Variants in GAS7 observed in about 807,000 individuals in gnomAD.
GAS7 encodes the protein growth arrest-specific protein 7.
In GAS7, 28 loss-of-function variants were observed where a neutral mutation model predicts 71.1. That is an observed-to-expected ratio of 0.39 (90% CI 0.29 to 0.54). The LOEUF is 0.54. Ranked by LOEUF, GAS7 falls within the 20% of genes least tolerant of loss-of-function variation. The probability of loss-of-function intolerance (pLI) is 0.62; values close to 1 mark genes in which losing one functional copy is unlikely to be tolerated. For synonymous variants in GAS7, 258 were observed against 245.8 expected (o/e 1.05, Z -0.46); for missense variants, 436 against 627.8 (o/e 0.69, Z 3.27).
chr17:10,108,911 C>CA (rs1217229177), intron 1 of GAS7, among the ~76,000 whole-genome samples: 1 of 152,054 alleles, frequency 6.6e-6, no homozygotes, highest in East Asian at 1.9e-4. Context: ...TTGGTCTAGG[C>CA]AAAGATTTTA....
At chr17:10,098,442 G>T (rs2073666398) in intron 1 of GAS7, among the ~76,000 whole-genome samples, 2 of 152,238 alleles carry the variant, frequency 1.3e-5, no homozygotes, top group South Asian at 4.1e-4. Flanking sequence ...ACCTAACGAG[G>T]ATGCAGGGTG....
chr17:10,025,638 A>G (rs1302194988), intron 1 of GAS7, among the ~76,000 whole-genome samples: 1 of 151,764 alleles, frequency 6.6e-6, no homozygotes, highest in Non-Finnish European at 1.5e-5. Context: ...GAGATCAAAA[A>G]CAAATCCCCC....
At chr17:9,958,471 G>A (rs1182817527) in intron 5 of GAS7, among the ~76,000 whole-genome samples, 1 of 152,206 alleles carries the variant, frequency 6.6e-6, no homozygotes, top group African/African-American at 2.4e-5. Flanking sequence ...GTGTGAGTTG[G>A]AGCCTAAGAG....
intron 1 of GAS7, among the ~76,000 whole-genome samples, chr17:10,039,545 T>A (rs556855972): frequency 6.6e-6 from 1 of 152,010 alleles, no homozygotes; most frequent in South Asian, 2.1e-4. Flanking sequence ...TGGCTAGGCA[T>A]GGTGGCGGGC....
In GAS7 at chr17:9,974,384, C is replaced by T. The variant is rs2070100462; in HGVS notation, c.386-4622G>A. ...CCCTGTCCTGGGGGCTCCCGGCTCA[C>T]CCAGGGTCAGCCACAAAACAAATGA... On this transcript the variant is annotated intron_variant, in intron 3 of 13. Transcript: ENST00000432992. This position sits in a 1 kb window ranked among gnomAD's most constrained non-coding sequence, Gnocchi z 4.0. Among the ~76,000 whole-genome samples the T allele has an allele frequency of 6.6e-6, 1 of 152,120 alleles. No individual in the cohort carries two copies. The highest frequency in any genetic ancestry group is 1.5e-5 in the Non-Finnish European group (1 of 68,024).
At chr17:10,185,422 G>A (rs560073717) in intron 1 of GAS7, among the ~76,000 whole-genome samples, 3 of 152,218 alleles carry the variant, frequency 2.0e-5, no homozygotes, top group African/African-American at 7.2e-5. Context: ...GTGTGTACAA[G>A]GTGCCAAGCT....
chr17:10,137,877 G>A (rs370254257), intron 1 of GAS7, among the ~76,000 whole-genome samples: 1 of 151,830 alleles, frequency 6.6e-6, no homozygotes, highest in East Asian at 1.9e-4. Context: ...GTTGGAAGAA[G>A]GGAGGGAGGG....
At chr17:10,181,833 GCCAAAACCCA>G (rs1286845182) in intron 1 of GAS7, among the ~76,000 whole-genome samples, 12 of 152,210 alleles carry the variant, frequency 7.9e-5, no homozygotes, top group African/African-American at 2.6e-4. Flanking sequence ...AAAGGAGCCG[GCCAAAACCCA>G]CCAAAACCAA....
intron 1 of GAS7, among the ~76,000 whole-genome samples, chr17:10,133,101 AATTAG>A (rs1200394018): frequency 7.0e-6 from 1 of 142,668 alleles, no homozygotes; most frequent in East Asian, 2.0e-4. Context: ...CAAATTTTAT[AATTAG>A]ATTATATATT....
intron 4 of GAS7, among the ~76,000 whole-genome samples, chr17:9,968,086 C>A (rs113383223): frequency 6.6e-6 from 1 of 152,324 alleles, no homozygotes; most frequent in African/African-American, 2.4e-5. Context: ...GTCATCGTTG[C>A]TGAACCACAT....
rs1316826794 is a variant in GAS7 at position 9,969,781 on chromosome 17, G to A, written c.386-19C>T. 3.9e-6 allele frequency: 6 copies of A among 1,527,842 alleles called. No homozygotes were observed. Among genetic ancestry groups the A allele is most frequent in the African/African-American group, 2.7e-5 (2 of 73,262 alleles). 94.6% of individuals were successfully genotyped at this position (1,527,842 alleles called of 1,614,324 possible). ...CCATTCACTGCAGGGACAGAGACAC[G>A]GCTCAGATGCTGTGTGGGCCACAGA... On this transcript the variant is annotated intron_variant, in intron 3 of 13. Coordinates refer to ENST00000432992, the MANE Select transcript of GAS7 (RefSeq NM_201433.2). The surrounding 1 kb of genome is among the most constrained non-coding windows in gnomAD (Gnocchi z 5.5).
chr17:10,110,412 G>A (rs768349135), intron 1 of GAS7, among the ~76,000 whole-genome samples: 1 of 152,028 alleles, frequency 6.6e-6, no homozygotes, highest in Non-Finnish European at 1.5e-5. Flanking sequence ...AAAGAGGGGG[G>A]ATGAAGAGAG....
chr17:10,068,361 C>T (rs922717729), intron 1 of GAS7, among the ~76,000 whole-genome samples: 2 of 152,106 alleles, frequency 1.3e-5, no homozygotes, highest in African/African-American at 4.8e-5. Context: ...CCTTCCCTGA[C>T]CTGAAAACAG....
intron 3 of GAS7, among the ~76,000 whole-genome samples, chr17:9,976,233 G>T (rs1423704062): frequency 6.6e-6 from 1 of 152,218 alleles, no homozygotes; most frequent in African/African-American, 2.4e-5. Context: ...TGCTTTCCAG[G>T]ACATCAGAGG....
chr17:9,989,684 A>G (rs1292780344), intron 2 of GAS7, among the ~76,000 whole-genome samples: 1 of 152,216 alleles, frequency 6.6e-6, no homozygotes. Flanking sequence ...TGTTATGAGA[A>G]CGAAGCTGTA....
intron 3 of GAS7, among the ~76,000 whole-genome samples, chr17:9,975,443 C>T (rs2070152554): frequency 6.6e-6 from 1 of 150,972 alleles, no homozygotes; most frequent in Non-Finnish European, 1.5e-5. Context: ...TTCCTCTTCC[C>T]CTCTCTTCTT....
chr17:9,966,047 G>A (rs183133329), intron 4 of GAS7, among the ~76,000 whole-genome samples: 4,007 of 142,828 alleles, frequency 0.028, 183 homozygotes, highest in Admixed American at 0.096. Flanking sequence ...CGCCCAGGCT[G>A]GAGTGCAGTG....
chr17:9,982,233 G>A (rs1287861645), intron 2 of GAS7, among the ~76,000 whole-genome samples: 2 of 152,046 alleles, frequency 1.3e-5, no homozygotes, highest in African/African-American at 4.8e-5. Context: ...ACTTTGTCTC[G>A]GGGCTCTGGA....
At position 9,936,231 on chromosome 17, in the gene GAS7, G is replaced by A. The variant is rs116289365; in HGVS notation, c.807-1987C>T. Reference sequence around the variant, plus strand: ...TGGGAGGAATGGGAACTGGATTAAAGGGAAGTGAGAGGGGTTTGCCCCTGC... The same window carrying A: ...TGGGAGGAATGGGAACTGGATTAAAAGGAAGTGAGAGGGGTTTGCCCCTGC... On this transcript the variant is annotated intron_variant, in intron 8 of 13. Coordinates refer to ENST00000432992, the MANE Select transcript of GAS7 (RefSeq NM_201433.2). 8.3e-3 allele frequency among the ~76,000 whole-genome samples: 1,262 copies of A among 152,324 alleles called. 14 individuals are homozygous for A. Among genetic ancestry groups the A allele is most frequent in the African/African-American group, 0.028 (1,184 of 41,570 alleles).
Sources: gnomAD v4.1 joint callset for allele counts (sites outside exome capture counted in the v4.1 genomes callset) on GRCh38, gnomAD v4.1.1 for gene constraint, Gnocchi (gnomAD v3.1) non-coding constraint, MANE v1.5 for transcripts, NCBI Gene and HGNC (gene_info 2026-07-23, HGNC 2026-07-21) for gene names.